Variants in HS3ST5 observed in about 807,000 individuals in gnomAD.
The protein encoded by HS3ST5 is heparan sulfate-glucosamine 3-sulfotransferase 5, also known as heparan sulfate glucosamine 3-O-sulfotransferase 5.
Under a neutral mutation model 25.4 loss-of-function variants are expected in HS3ST5, and 10 were observed. The ratio of observed to expected loss-of-function variants is 0.39; its 90% CI spans 0.24 to 0.67. HS3ST5 has a LOEUF of 0.67. HS3ST5 is among the 30% of genes least tolerant of loss of function. HS3ST5 has a pLI of 0.44. For synonymous variants in HS3ST5, 170 were observed against 162.4 expected (o/e 1.05, Z -0.36); for missense variants, 324 against 420.7 (o/e 0.77, Z 2.01).
At chr6:114,133,157 T>A (rs1003581806) in intron 3 of HS3ST5, among the ~76,000 whole-genome samples, 10 of 152,150 alleles carry the variant, frequency 6.6e-5, no homozygotes, top group African/African-American at 2.2e-4. Context: ...ATCTCATCAT[T>A]CCCATCTTGT....
intron 3 of HS3ST5, 105 bp from the exon 4 acceptor site, chr6:114,062,982 G>A: frequency 1.6e-6 from 1 of 620,540 alleles, no homozygotes; most frequent in South Asian, 2.0e-5. Flanking sequence ...TGCACAAAGA[G>A]CAGATCCCAT....
intron 3 of HS3ST5, among the ~76,000 whole-genome samples, chr6:114,089,747 T>C (rs1775026445): frequency 6.6e-6 from 1 of 152,228 alleles, no homozygotes; most frequent in South Asian, 2.1e-4. Flanking sequence ...AGATTCATTA[T>C]GCTGAGGCAA....
chr6:114,188,004 C>A (rs1268083941), intron 2 of HS3ST5, among the ~76,000 whole-genome samples: 1 of 152,190 alleles, frequency 6.6e-6, no homozygotes, highest in East Asian at 1.9e-4. Flanking sequence ...ACTGCTATTA[C>A]ACATTCAATA....
intron 2 of HS3ST5, among the ~76,000 whole-genome samples, chr6:114,175,831 C>T (rs1229464625): frequency 6.6e-6 from 1 of 152,198 alleles, no homozygotes; most frequent in African/African-American, 2.4e-5. Context: ...ACTGGTTTTA[C>T]AGATTAGTGC....
At chr6:114,143,230 T>C (rs1777993890) in intron 3 of HS3ST5, among the ~76,000 whole-genome samples, 1 of 152,222 alleles carries the variant, frequency 6.6e-6, no homozygotes, top group South Asian at 2.1e-4. Flanking sequence ...AATAATAATA[T>C]CTACTTCATG....
intron 2 of HS3ST5, among the ~76,000 whole-genome samples, chr6:114,210,195 T>C (rs559642899): frequency 4.6e-5 from 7 of 152,202 alleles, no homozygotes; most frequent in Non-Finnish European, 8.8e-5. Flanking sequence ...AAAAATTCCA[T>C]ATGAGCAGTA....
At chr6:114,330,110 T>C (rs2114912475) in intron 1 of HS3ST5, among the ~76,000 whole-genome samples, 1 of 152,232 alleles carries the variant, frequency 6.6e-6, no homozygotes, top group Non-Finnish European at 1.5e-5. Flanking sequence ...CTGAGAAAAT[T>C]TAGATTATTC....
At chr6:114,324,504 T>A (rs1362736828) in intron 1 of HS3ST5, among the ~76,000 whole-genome samples, 1 of 152,204 alleles carries the variant, frequency 6.6e-6, no homozygotes, top group Non-Finnish European at 1.5e-5. Flanking sequence ...AAAAAATGAA[T>A]GACCTTCTCC....
intron 2 of HS3ST5, among the ~76,000 whole-genome samples, chr6:114,223,191 G>A (rs906259321): frequency 6.6e-6 from 1 of 151,264 alleles, no homozygotes; most frequent in Non-Finnish European, 1.5e-5. Context: ...CAACATATAT[G>A]ACATTTCTTC....
intron 1 of HS3ST5, among the ~76,000 whole-genome samples, chr6:114,333,708 C>T (rs1053116275): frequency 3.9e-5 from 6 of 151,936 alleles, no homozygotes; most frequent in East Asian, 1.9e-4. Flanking sequence ...TGCAGTGACA[C>T]GATCTCGGAT....
At chr6:114,100,331 G>T (rs1005122116) in intron 3 of HS3ST5, among the ~76,000 whole-genome samples, 1 of 152,110 alleles carries the variant, frequency 6.6e-6, no homozygotes, top group African/African-American at 2.4e-5. Flanking sequence ...CGGTTAAAGA[G>T]AAAAATTTGA....
intron 2 of HS3ST5, among the ~76,000 whole-genome samples, chr6:114,219,777 A>T (rs2114482050): frequency 6.6e-6 from 1 of 152,296 alleles, no homozygotes; most frequent in Non-Finnish European, 1.5e-5. Context: ...TTTACTTATC[A>T]ATAGAAGACT....
intron 4 of HS3ST5, among the ~76,000 whole-genome samples, chr6:114,060,222 C>G (rs1773026229): frequency 6.6e-6 from 1 of 152,156 alleles, no homozygotes; most frequent in African/African-American, 2.4e-5. Context: ...CCATGTTGGC[C>G]TGGCTGGTCT....
At chr6:114,185,244 C>T (rs143475105) in intron 2 of HS3ST5, among the ~76,000 whole-genome samples, 3,567 of 152,148 alleles carry the variant, frequency 0.023, 89 homozygotes, top group Non-Finnish European at 0.03. Flanking sequence ...AATCCTAGCC[C>T]CTGATAAAAT....
intron 3 of HS3ST5, among the ~76,000 whole-genome samples, chr6:114,105,383 A>T (rs1304513031): frequency 6.6e-6 from 1 of 152,154 alleles, no homozygotes; most frequent in African/African-American, 2.4e-5. Context: ...TTGACCTCTT[A>T]AGGAGCAAGT....
chr6:114,080,640 G>A (rs1370431020), intron 3 of HS3ST5, among the ~76,000 whole-genome samples: 1 of 152,164 alleles, frequency 6.6e-6, no homozygotes, highest in Non-Finnish European at 1.5e-5. Flanking sequence ...AGCAATTTGG[G>A]TGCAGCTGGA....
chr6:114,122,741 G>A (rs945044195), intron 3 of HS3ST5, among the ~76,000 whole-genome samples: 1 of 152,150 alleles, frequency 6.6e-6, no homozygotes, highest in Non-Finnish European at 1.5e-5. Context: ...GGAGGAGTGT[G>A]TGTGTTATAG....
chr6:114,314,858 G>A (rs1326322444), intron 1 of HS3ST5, among the ~76,000 whole-genome samples: 1 of 152,118 alleles, frequency 6.6e-6, no homozygotes, highest in African/African-American at 2.4e-5. Flanking sequence ...TTAAGACTTG[G>A]CATAAATATT....
chr6:114,279,336 G>C (rs762064703), intron 1 of HS3ST5, among the ~76,000 whole-genome samples: 1 of 152,016 alleles, frequency 6.6e-6, no homozygotes, highest in Admixed American at 6.6e-5. Flanking sequence ...TATAGTACAA[G>C]AGAAATAAGG....
Sources: gnomAD v4.1 joint callset for allele counts (sites outside exome capture counted in the v4.1 genomes callset) on GRCh38, gnomAD v4.1.1 for gene constraint, MANE v1.5 for transcripts, NCBI Gene and HGNC (gene_info 2026-07-23, HGNC 2026-07-21) for gene names.